FBRS: variants seen among roughly 807,000 people sequenced by gnomAD.
FBRS encodes the protein fibrosin.
FBRS carries 15 observed loss-of-function variants against 86.1 expected under a neutral mutation model. The observed-to-expected ratio is 0.17, with a 90% CI of 0.12 to 0.27. FBRS has a LOEUF of 0.27. Ranked by LOEUF, FBRS falls within the 10% of genes least tolerant of loss-of-function variation. The probability of loss-of-function intolerance (pLI) is 1.00; values close to 1 mark genes in which losing one functional copy is unlikely to be tolerated. For missense variants in FBRS, 1,367 were observed against 1,301.6 expected, an observed-to-expected ratio of 1.05 and a Z score of -0.77; for synonymous variants, 666 against 575.8, an observed-to-expected ratio of 1.16 and a Z score of -2.24.
chr16:30,665,188 C>T lies in FBRS; in HGVS notation c.1608+109C>T. The T allele has an allele frequency of 6.5e-6, 10 of 1,528,718 alleles. No homozygotes were observed. The highest frequency in any genetic ancestry group is 8.8e-6 in the Non-Finnish European group (10 of 1,133,662). The allele number at this position is 1,528,718 out of a possible 1,614,324, so 94.7% of individuals were successfully genotyped here. On this transcript the variant is annotated intron_variant, in intron 9 of 17. Coordinates refer to ENST00000356166, the MANE Select transcript of FBRS (RefSeq NM_001105079.3). The surrounding 1 kb of genome is among the most constrained non-coding windows in gnomAD (Gnocchi z 4.1). Reference sequence around the variant, plus strand: ...CAGTCTTCAGCACAAAAGCAAGAGCCTTGAGCCTGGGACAGCTCCCTGGGG... The same window carrying T: ...CAGTCTTCAGCACAAAAGCAAGAGCTTTGAGCCTGGGACAGCTCCCTGGGG...
At chr16:30,667,481 A>G in intron 14 of FBRS, 44 bp downstream of exon 14, 1 of 1,515,356 alleles carries the variant, frequency 6.6e-7, no homozygotes, top group South Asian at 1.2e-5. Context: ...CCCTGTCTAT[A>G]GCCTGAGGCC....
chr16:30,663,750 A>G (rs1015481981), intron 6 of FBRS, among the ~76,000 whole-genome samples: 2 of 152,138 alleles, frequency 1.3e-5, no homozygotes, highest in African/African-American at 4.8e-5. Flanking sequence ...TATTATTGAG[A>G]AAACTAAGGC....
In FBRS at chr16:30,664,399, C is replaced by CA; in HGVS notation, c.1240_1241insA (p.Pro414HisfsTer36). ...CAGCTTTCCCCCTCCCGGGCTGCGGCCCCCCCCACCACCCCACCACCCCTC... is the reference window on the plus strand; with the variant it reads ...CAGCTTTCCCCCTCCCGGGCTGCGGCACCCCCCCACCACCCCACCACCCCTC... On this transcript the variant is annotated frameshift_variant, in exon 7 of 18. Transcript: ENST00000356166. LOFTEE classifies it high-confidence loss of function. 1.2e-6 allele frequency: 1 copy of CA among 813,428 alleles called. No individual in the cohort carries two copies. The highest frequency in any genetic ancestry group is 1.9e-6 in the Non-Finnish European group (1 of 536,060). The allele number at this position is 813,428 out of a possible 1,614,324, so 50.4% of individuals were successfully genotyped here.
rs1398528736 is a variant in FBRS, at chr16:30,662,452, T to C, written c.738T>C (p.Thr246=). ...VSDDDLDPSF[T]VSTSKASGPH... ...ATGATGACCTCGACCCATCCTTTAC[T>C]GTCTCAACCAGCAAAGGTTGGTCCC... Residue 246 remains threonine (T), a synonymous_variant, in exon 5 of 18, where the codon ACT becomes ACC. Coordinates refer to ENST00000356166, the MANE Select transcript of FBRS (RefSeq NM_001105079.3). 3 of 1,550,522 alleles carry C rather than the reference T, an allele frequency of 1.9e-6. No homozygotes were observed. The highest frequency in any genetic ancestry group is 2.7e-5 in the African/African-American group (2 of 73,048).
intron 6 of FBRS, 109 bp from the exon 7 acceptor site, chr16:30,664,106 C>T: frequency 1.6e-6 from 2 of 1,239,930 alleles, no homozygotes; most frequent in South Asian, 3.1e-5. Flanking sequence ...GGTTCTGCCA[C>T]CTCCCGTGTT....
rs1005799721 is a variant in FBRS at position 30,659,452 on chromosome 16, C to T, written c.-67C>T. 1.3e-5 allele frequency: 3 copies of T among 239,404 alleles called. No homozygotes were observed. Among genetic ancestry groups the T allele is most frequent in the African/African-American group, 2.3e-5 (1 of 43,314 alleles). The allele number at this position is 239,404 out of a possible 1,614,324, so 14.8% of individuals were successfully genotyped here. A position where few individuals can be genotyped will look rare whatever the true frequency, so the allele number is the denominator to read the frequency against. ...GCAGCCGCCAGCGCCGCGCCTGCGACCCCGGGCCTGCGGACAGGCCGCTTC... is the reference window on the plus strand; with the variant it reads ...GCAGCCGCCAGCGCCGCGCCTGCGATCCCGGGCCTGCGGACAGGCCGCTTC... On this transcript the variant is annotated 5_prime_UTR_variant, in exon 1 of 18. Transcript: ENST00000356166.
At position 30,665,615 on chromosome 16, in the gene FBRS, A is replaced by C; in HGVS notation, c.1705-23A>C. ...TGCTTGGTGCCAGCTCTCCTGTCTG[A>C]TCCCTCCACTCCCCTTTCCCAGAGC... On this transcript the variant is annotated intron_variant, in intron 10 of 17. Coordinates refer to ENST00000356166, the MANE Select transcript of FBRS (RefSeq NM_001105079.3). The surrounding 1 kb of genome is among the most constrained non-coding windows in gnomAD (Gnocchi z 4.1). 6.4e-7 allele frequency: 1 copy of C among 1,571,046 alleles called. No homozygotes were observed. Among genetic ancestry groups the C allele is most frequent in the Non-Finnish European group, 8.6e-7 (1 of 1,158,204 alleles).
At position 30,665,335 on chromosome 16, in the gene FBRS, C is replaced by T. The variant is rs773210679; in HGVS notation, c.1638C>T (p.Pro546=). The change falls in exon 10 of 18, where the codon CCC becomes CCT. Residue 546 remains proline (P), a synonymous_variant. Transcript: ENST00000356166. This position sits in a 1 kb window ranked among gnomAD's most constrained non-coding sequence, Gnocchi z 4.1. ...ACACGGCCTTCCCTCCCGCAGTGCC[C>T]GGGCTGCCTCCGGGCCTCCCGCCGG... ...NPYTAFPPAV[P]GLPPGLPPAV... The T allele has an allele frequency of 6.0e-5, 94 of 1,565,696 alleles. No individual in the cohort carries two copies. Among genetic ancestry groups the T allele is most frequent in the South Asian group, 7.0e-5 (6 of 85,388 alleles).
intron 6 of FBRS, 150 bp downstream of exon 6, chr16:30,663,009 A>G: frequency 7.8e-7 from 1 of 1,276,836 alleles, no homozygotes; most frequent in Non-Finnish European, 1.0e-6. Flanking sequence ...TGACTGCAGG[A>G]CTTATTTGAG....
chr16:30,669,559 C>T lies in FBRS; in HGVS notation c.2857C>T (p.Leu953Phe), dbSNP rs1294331129. ...HLLSKTPPGA[L>F]LGAPPPLVPA... ...TCTCAGCAAGACCCCACCGGGAGCC[C>T]TTTTGGGGGCACCACCTCCGCTTGT... is the stretch of plus-strand genomic sequence containing the variant. Residue 953 changes from leucine to phenylalanine, a missense_variant, in exon 18 of 18, where the codon CTT (leucine) becomes TTT (phenylalanine). Physicochemically the swap from Leu to Phe is conservative, Grantham distance 22. Transcript: ENST00000356166. This position sits in a 1 kb window ranked among gnomAD's most constrained non-coding sequence, Gnocchi z 5.9. The T allele has an allele frequency of 6.2e-7, 1 of 1,612,754 alleles. No individual in the cohort carries two copies. The highest frequency in any genetic ancestry group is 8.5e-7 in the Non-Finnish European group (1 of 1,179,802).
rs762479445 is a variant in FBRS at position 30,658,931 on chromosome 16, C to CT, written c.-584dup. 1 of 152,204 alleles carries CT rather than the reference C, an allele frequency of 6.6e-6. No homozygotes were observed. The highest frequency in any genetic ancestry group is 1.5e-5 in the Non-Finnish European group (1 of 68,076). The allele number at this position is 152,204 out of a possible 1,614,324, so 9.4% of individuals were successfully genotyped here. A position where few individuals can be genotyped will look rare whatever the true frequency, so the allele number is the denominator to read the frequency against. ...TCCTCCTCCCCCACACACAAGAAGT[C>CT]TTTTAAATTCAACTTAAAGGGGAAG... On this transcript the variant is annotated 5_prime_UTR_variant, in exon 1 of 18. Coordinates refer to ENST00000356166, the MANE Select transcript of FBRS (RefSeq NM_001105079.3).
At chr16:30,668,027 G>A in intron 15 of FBRS, 1 of 215,710 alleles carries the variant, frequency 4.6e-6, no homozygotes, top group Non-Finnish European at 9.1e-6. Context: ...AGGTGTTCCT[G>A]GCTGGGGACG....
chr16:30,659,894 G>A lies in FBRS; in HGVS notation c.376G>A (p.Glu126Lys). The change falls in exon 1 of 18, where the codon GAG becomes AAG. Residue 126 changes from glutamate to lysine, a missense_variant. By Grantham distance (56) the Glu-to-Lys change is moderately conservative (BLOSUM62 1). Transcript: ENST00000356166. ...CGCAGACGACGGCGAAGCCGAGGAGGAGCCTGAGGAGGAGGAAGAGGAGGA... is the reference window on the plus strand; with the variant it reads ...CGCAGACGACGGCGAAGCCGAGGAGAAGCCTGAGGAGGAGGAAGAGGAGGA... ...GGADDGEAEE[E>K]PEEEEEEEED... 1 of 1,550,184 alleles carries A rather than the reference G, an allele frequency of 6.5e-7. No homozygotes were observed. The highest frequency in any genetic ancestry group is 2.4e-5 in the East Asian group (1 of 40,856).
rs1240774778 is a variant in FBRS at position 30,662,683 on chromosome 16, C to A, written c.879C>A (p.Phe293Leu). The A allele has an allele frequency of 1.9e-6, 3 of 1,549,154 alleles. No homozygotes were observed. The highest frequency in any genetic ancestry group is 3.9e-5 in the Admixed American group (2 of 50,846). ...GGCCCGACCCGCTGCTAGTGCCTTT[C>A]CCCCCAAAGGAACCACCGCCTCCAC... Reference protein sequence around the residue: ...PPGPDPLLVPFPPKEPPPPPV... With the variant: ...PPGPDPLLVPLPPKEPPPPPV... The change falls in exon 6 of 18, where the codon TTC (phenylalanine) becomes TTA (leucine). Residue 293 changes from phenylalanine to leucine, a missense_variant. By Grantham distance (22) the Phe-to-Leu change is conservative. This residue lies in a region of FBRS where 702 missense variants were observed against 598.7 expected (regional missense o/e 1.17). Transcript: ENST00000356166.
chr16:30,666,576 T>TG, intron 12 of FBRS, 35 bp downstream of exon 12: 1 of 1,613,902 alleles, frequency 6.2e-7, no homozygotes, highest in Non-Finnish European at 8.5e-7. Context: ...TGCATGAGGC[T>TG]GGGGGCTGGT....
chr16:30,662,231 C>T, intron 4 of FBRS, 189 bp from the exon 5 acceptor site: 1 of 829,242 alleles, frequency 1.2e-6, no homozygotes, highest in Non-Finnish European at 1.8e-6. Context: ...TTGGGGTCAG[C>T]TGCTCCACTC....
In FBRS at chr16:30,664,945, T is replaced by C. The variant is rs1293459286; in HGVS notation, c.1563+25T>C. The C allele has an allele frequency of 1.9e-6, 3 of 1,609,236 alleles. No homozygotes were observed. The South Asian group carries it at 3.3e-5, about 18-fold the overall frequency. On this transcript the variant is annotated intron_variant, in intron 8 of 17. Transcript: ENST00000356166. The stretch of plus-strand genomic sequence containing the variant: ...GGTGAGCTCCTCATTGGGCTGGCGA[T>C]GAGGCTCGGAGGCCTCTGGGGAGGG...
rs1045625832 is a variant in FBRS, at chr16:30,665,552, C to T, written c.1705-86C>T. On this transcript the variant is annotated intron_variant, in intron 10 of 17. Coordinates refer to ENST00000356166, the MANE Select transcript of FBRS (RefSeq NM_001105079.3). This position sits in a 1 kb window ranked among gnomAD's most constrained non-coding sequence, Gnocchi z 4.1. ...AGTTTTCTCCAAAGCCATGATCCCT[C>T]CCTGCCCAGTGTCCCAGCTTGGTTC... The T allele has an allele frequency of 6.7e-7, 1 of 1,485,520 alleles. No individual in the cohort carries two copies. The highest frequency in any genetic ancestry group is 1.7e-4 in the Middle Eastern group (1 of 5,858). The allele number at this position is 1,485,520 out of a possible 1,614,324, so 92.0% of individuals were successfully genotyped here.
chr16:30,669,609 A>G lies in FBRS; in HGVS notation c.2907A>G (p.Pro969=). The G allele has an allele frequency of 1.9e-6, 3 of 1,607,330 alleles. No individual in the cohort carries two copies. The highest frequency in any genetic ancestry group is 2.5e-6 in the Non-Finnish European group (3 of 1,178,386). Residue 969 remains proline (P), a synonymous_variant, in exon 18 of 18, where the codon CCA becomes CCG. Coordinates refer to ENST00000356166, the MANE Select transcript of FBRS (RefSeq NM_001105079.3). The surrounding 1 kb of genome is among the most constrained non-coding windows in gnomAD (Gnocchi z 5.9). ...TGCCCGCCCCCCGGCCCAGTTCCCC[A>G]CCTAGGGGCCCTGGCCCAGCTCGGG... is the stretch of plus-strand genomic sequence containing the variant. ...PLVPAPRPSS[P]PRGPGPARAD... is the part of the protein sequence containing the mutation.
Sources: allele counts gnomAD v4.1 joint callset (sites outside exome capture counted in the v4.1 genomes callset), GRCh38; gene constraint gnomAD v4.1.1; regional missense constraint gnomAD v4.1.1; non-coding constraint Gnocchi (gnomAD v3.1); transcripts MANE v1.5; gene names NCBI Gene and HGNC (gene_info 2026-07-23, HGNC 2026-07-21).